The following RPA3 variants were observed in gnomAD, a reference collection of about 807,000 sequenced individuals.
The protein encoded by RPA3 is replication protein A3.
A neutral mutation model predicts 13.7 loss-of-function variants in RPA3; 24 were observed. The observed-to-expected ratio is 1.75, with a 90% CI of 1.27 to 2.46. The LOEUF is 2.46. Ranked by LOEUF, RPA3 falls within the 30% of genes most tolerant of loss-of-function variation. The pLI, the probability that RPA3 is intolerant of heterozygous loss-of-function variation, is 0.00. For synonymous variants in RPA3, 59 were observed against 51.2 expected, an observed-to-expected ratio of 1.15 and a Z score of -0.65; for missense variants, 183 against 151.0, an observed-to-expected ratio of 1.21 and a Z score of -1.11.
chr7:7,648,138 G>A (rs1438940043), intron 4 of RPA3, among the ~76,000 whole-genome samples: 2 of 152,184 alleles, frequency 1.3e-5, no homozygotes, highest in Non-Finnish European at 1.5e-5. Flanking sequence ...GGCTCCAGTG[G>A]CCTCCTTCTT....
chr7:7,703,261 TA>T, intron 2 of RPA3, among the ~76,000 whole-genome samples: 1 of 152,328 alleles, frequency 6.6e-6, no homozygotes, highest in Admixed American at 6.5e-5. Flanking sequence ...GCTTCTATAA[TA>T]AAAATAATGT....
chr7:7,676,072 A>G (rs1294838361), intron 4 of RPA3: 1 of 398,276 alleles, frequency 2.5e-6, no homozygotes, highest in Non-Finnish European at 4.4e-6. Flanking sequence ...TTCTCTTTTC[A>G]TCATTCATCC....
intron 2 of RPA3, among the ~76,000 whole-genome samples, chr7:7,697,769 C>G (rs1203199692): frequency 6.6e-6 from 1 of 151,930 alleles, no homozygotes; most frequent in African/African-American, 2.4e-5. Context: ...TGTATTTTTT[C>G]CTTGTCATTA....
intron 4 of RPA3, among the ~76,000 whole-genome samples, chr7:7,664,098 A>T (rs550814221): frequency 7.2e-5 from 11 of 152,332 alleles, no homozygotes; most frequent in African/African-American, 2.4e-4. Context: ...TCTTGCTATT[A>T]TTTAAAACCT....
At position 7,657,901 on chromosome 7, in the gene RPA3, G is replaced by C. The variant is rs1010676249; in HGVS notation, c.-757-16726C>G. Among the ~76,000 whole-genome samples, 6 of 152,280 alleles carry C rather than the reference G, an allele frequency of 3.9e-5. 1 individual carries two copies. In the South Asian group the frequency reaches 1.0e-3, roughly 26 times the overall value. Reference sequence around the variant, plus strand: ...GCATTGAATCTGTAAATTACTTTGGGCAGTATGGCCATTTTCATGATATTG... The same window carrying C: ...GCATTGAATCTGTAAATTACTTTGGCCAGTATGGCCATTTTCATGATATTG... On this transcript the variant is annotated intron_variant, in intron 4 of 7. Transcript: ENST00000223129.
At chr7:7,704,045 C>G (rs1459006509) in intron 2 of RPA3, among the ~76,000 whole-genome samples, 1 of 152,136 alleles carries the variant, frequency 6.6e-6, no homozygotes, top group Non-Finnish European at 1.5e-5. Flanking sequence ...CAAGGAGATA[C>G]TTTGATGGAA....
intron 2 of RPA3, among the ~76,000 whole-genome samples, chr7:7,708,236 G>A (rs1780655591): frequency 6.6e-6 from 1 of 152,152 alleles, no homozygotes; most frequent in Admixed American, 6.6e-5. Context: ...ATAGATTCAA[G>A]TGGGAATTAA....
chr7:7,714,852 T>C (rs1002937570), intron 2 of RPA3, among the ~76,000 whole-genome samples: 25 of 148,778 alleles, frequency 1.7e-4, no homozygotes, highest in Non-Finnish European at 7.5e-5. Flanking sequence ...CAAAAATTTT[T>C]CTTTTTTTTT....
At chr7:7,693,059 T>C (rs1780213478) in intron 2 of RPA3, among the ~76,000 whole-genome samples, 1 of 152,252 alleles carries the variant, frequency 6.6e-6, no homozygotes, top group African/African-American at 2.4e-5. Context: ...ATTACTTATA[T>C]CTACTTCATT....
At chr7:7,712,893 T>C (rs1391632525) in intron 2 of RPA3, among the ~76,000 whole-genome samples, 2 of 152,206 alleles carry the variant, frequency 1.3e-5, no homozygotes, top group Non-Finnish European at 2.9e-5. Flanking sequence ...GGTATAAGAT[T>C]TGATTTTAAT....
At chr7:7,637,151 T>C (rs1184342510) in intron 7 of RPA3, 69 bp from the exon 8 acceptor site, 39 of 1,074,910 alleles carry the variant, frequency 3.6e-5, no homozygotes, top group Middle Eastern at 2.0e-4. Context: ...TTATCTAAGA[T>C]ATTTTTACCT....
intron 4 of RPA3, among the ~76,000 whole-genome samples, chr7:7,667,168 A>G (rs1008712030): frequency 6.6e-6 from 1 of 152,200 alleles, no homozygotes; most frequent in African/African-American, 2.4e-5. Context: ...CCTGAGTATT[A>G]AGATGCATTA....
At chr7:7,643,663 G>C (rs903699929) in intron 4 of RPA3, among the ~76,000 whole-genome samples, 4 of 150,410 alleles carry the variant, frequency 2.7e-5, no homozygotes, top group African/African-American at 9.9e-5. Flanking sequence ...AGTGAGCCGA[G>C]ATCGCGCCAC....
chr7:7,668,075 G>C (rs9640047), intron 4 of RPA3, among the ~76,000 whole-genome samples: 90,740 of 151,724 alleles, frequency 0.6, 27,278 homozygotes, highest in East Asian at 0.8. Context: ...CACCACCACA[G>C]CTGGCTAATT....
At chr7:7,681,138 A>G (rs1457596318) in intron 4 of RPA3, among the ~76,000 whole-genome samples, 1 of 152,222 alleles carries the variant, frequency 6.6e-6, no homozygotes, top group Admixed American at 6.5e-5. Flanking sequence ...TATGGACACC[A>G]CAGAATTTGT....
intron 2 of RPA3, among the ~76,000 whole-genome samples, chr7:7,709,202 G>A (rs1563142730): frequency 6.6e-6 from 1 of 152,154 alleles, no homozygotes; most frequent in East Asian, 1.9e-4. Context: ...CTATCTGTGT[G>A]CTGAGATTTA....
intron 2 of RPA3, among the ~76,000 whole-genome samples, chr7:7,707,177 T>A (rs79795256): frequency 0.018 from 2,780 of 152,254 alleles, 84 homozygotes; most frequent in African/African-American, 0.064. Flanking sequence ...GCAAAATCAG[T>A]TTTTACAACC....
chr7:7,713,439 A>G (rs1032798420), intron 2 of RPA3, among the ~76,000 whole-genome samples: 2 of 151,476 alleles, frequency 1.3e-5, no homozygotes, highest in Admixed American at 1.3e-4. Context: ...CCATTTTTTA[A>G]TCTCTGGGAT....
chr7:7,677,048 A>T (rs573553624), intron 4 of RPA3, among the ~76,000 whole-genome samples: 1 of 152,140 alleles, frequency 6.6e-6, no homozygotes, highest in African/African-American at 2.4e-5. Context: ...AATGCTTTTA[A>T]TGCTTTTATT....
Sources: allele counts gnomAD v4.1 joint callset (sites outside exome capture counted in the v4.1 genomes callset), GRCh38; gene constraint gnomAD v4.1.1; transcripts MANE v1.5; gene names NCBI Gene and HGNC (gene_info 2026-07-23, HGNC 2026-07-21).